GRM8: variants seen among roughly 807,000 people sequenced by gnomAD.
The protein encoded by GRM8 is glutamate metabotropic receptor 8.
Under a neutral mutation model 87.2 loss-of-function variants are expected in GRM8, and 47 were observed. The ratio of observed to expected loss-of-function variants is 0.54; its 90% CI spans 0.43 to 0.69. The LOEUF (loss-of-function observed/expected upper bound fraction) is 0.69, where lower values mean the gene tolerates loss of function less well. Among genes scored for constraint, GRM8 ranks in the 30% least tolerant of loss-of-function variants. The pLI is 0.00. For missense variants in GRM8, 1,019 were observed against 1,139.2 expected (o/e 0.89, Z 1.52); for synonymous variants, 396 against 404.5 (o/e 0.98, Z 0.25).
At chr7:127,014,892 A>G (rs1480203133) in intron 3 of GRM8, among the ~76,000 whole-genome samples, 3 of 149,846 alleles carry the variant, frequency 2.0e-5, no homozygotes, top group Non-Finnish European at 3.0e-5. Flanking sequence ...TACTTCAGGC[A>G]CATCCAACAT....
intron 2 of GRM8, among the ~76,000 whole-genome samples, chr7:127,133,333 G>T (rs1010035536): frequency 6.6e-6 from 1 of 152,000 alleles, no homozygotes; most frequent in Non-Finnish European, 1.5e-5. Context: ...CAGGAGAATC[G>T]CTTGAACCTG....
intron 7 of GRM8, among the ~76,000 whole-genome samples, chr7:126,630,056 T>C (rs1251097923): frequency 6.6e-6 from 1 of 152,070 alleles, no homozygotes; most frequent in Non-Finnish European, 1.5e-5. Flanking sequence ...TAGTTCATAT[T>C]CTCTGACCAT....
intron 9 of GRM8, among the ~76,000 whole-genome samples, chr7:126,510,632 G>T (rs1345879998): frequency 4.2e-4 from 3 of 7,212 alleles, no homozygotes; most frequent in Non-Finnish European, 8.9e-4. Context: ...GTGGAAGAGG[G>T]TTAGAATTTT....
chr7:127,149,700 G>C (rs141428423), intron 2 of GRM8, among the ~76,000 whole-genome samples: 8 of 152,040 alleles, frequency 5.3e-5, no homozygotes, highest in Non-Finnish European at 8.8e-5. Context: ...AGAAACCGTG[G>C]TACAAATATA....
intron 3 of GRM8, among the ~76,000 whole-genome samples, chr7:126,995,583 G>C (rs1813101729): frequency 6.6e-6 from 1 of 152,212 alleles, no homozygotes; most frequent in Admixed American, 6.5e-5. Context: ...GAATGTCTTA[G>C]AGTCTCTTAA....
chr7:126,923,289 C>G (rs896918893), intron 3 of GRM8, among the ~76,000 whole-genome samples: 2 of 152,026 alleles, frequency 1.3e-5, no homozygotes, highest in African/African-American at 4.8e-5. Flanking sequence ...TAATAAGAAC[C>G]ACATGAAAAT....
intron 3 of GRM8, among the ~76,000 whole-genome samples, chr7:127,018,047 C>T (rs1207063772): frequency 1.3e-5 from 2 of 152,042 alleles, no homozygotes; most frequent in Non-Finnish European, 1.5e-5. Flanking sequence ...TAAATATGGC[C>T]GCTGGCCTCA....
intron 6 of GRM8, among the ~76,000 whole-genome samples, chr7:126,817,130 C>A (rs1253808621): frequency 5.0e-4 from 76 of 151,908 alleles, no homozygotes; most frequent in Non-Finnish European, 1.5e-5. Flanking sequence ...ATTTATGGCT[C>A]CTTTTCTTCA....
chr7:126,815,551 G>T (rs1006917609), intron 6 of GRM8, among the ~76,000 whole-genome samples: 1 of 152,068 alleles, frequency 6.6e-6, no homozygotes, highest in African/African-American at 2.4e-5. Flanking sequence ...TAGCCATGGT[G>T]GAATCTGTGC....
intron 9 of GRM8, among the ~76,000 whole-genome samples, chr7:126,502,317 A>G (rs1584848212): frequency 6.6e-6 from 1 of 152,080 alleles, no homozygotes; most frequent in African/African-American, 2.4e-5. Flanking sequence ...ATGCAAGGGC[A>G]GCACAATCAA....
intron 3 of GRM8, among the ~76,000 whole-genome samples, chr7:127,008,588 A>G (rs1307548356): frequency 6.6e-6 from 1 of 152,126 alleles, no homozygotes; most frequent in Non-Finnish European, 1.5e-5. Context: ...GTTCAGACAA[A>G]CTATTAAAAG....
At chr7:126,886,585 T>G (rs965646959) in intron 6 of GRM8, among the ~76,000 whole-genome samples, 23 of 152,134 alleles carry the variant, frequency 1.5e-4, no homozygotes, top group African/African-American at 5.5e-4. Flanking sequence ...CTTCATTAAT[T>G]TCTGAACAGG....
intron 3 of GRM8, among the ~76,000 whole-genome samples, chr7:127,098,859 C>T (rs1824939841): frequency 6.6e-6 from 1 of 152,088 alleles, no homozygotes; most frequent in African/African-American, 2.4e-5. Flanking sequence ...ACTTGAAGGC[C>T]TGTCATCTTC....
chr7:126,603,390 A>C (rs907250867), intron 8 of GRM8, among the ~76,000 whole-genome samples: 1 of 150,556 alleles, frequency 6.6e-6, no homozygotes, highest in African/African-American at 2.4e-5. Context: ...GGCCAGGGCA[A>C]TTAGGCAGGA....
chr7:126,756,142 A>G (rs1816983270), intron 7 of GRM8, among the ~76,000 whole-genome samples: 1 of 151,916 alleles, frequency 6.6e-6, no homozygotes, highest in African/African-American at 2.4e-5. Flanking sequence ...TTCATCCTCA[A>G]ATCTCTAAGT....
chr7:126,457,847 TA>T (rs113687769), intron 9 of GRM8, among the ~76,000 whole-genome samples: 5,599 of 140,764 alleles, frequency 0.04, 190 homozygotes, highest in African/African-American at 0.092. Context: ...TCAACAAAGC[TA>T]AAAAAAAAAA....
At chr7:126,926,456 C>T (rs1805132375) in intron 3 of GRM8, among the ~76,000 whole-genome samples, 1 of 152,256 alleles carries the variant, frequency 6.6e-6, no homozygotes, top group Non-Finnish European at 1.5e-5. Flanking sequence ...CTGCCATGGC[C>T]TTAGTTCAAG....
At chr7:126,856,215 C>T (rs1246115650) in intron 6 of GRM8, among the ~76,000 whole-genome samples, 1 of 151,980 alleles carries the variant, frequency 6.6e-6, no homozygotes, top group African/African-American at 2.4e-5. Context: ...CAAGTAATTA[C>T]TTGAAGAAAT....
chr7:127,002,549 T>C (rs929174), intron 3 of GRM8, among the ~76,000 whole-genome samples: 14,786 of 151,704 alleles, frequency 0.097, 823 homozygotes, highest in East Asian at 0.21. Context: ...AGACAGAATT[T>C]AGGAAACCTC....
Sources: gnomAD v4.1 joint callset for allele counts (sites outside exome capture counted in the v4.1 genomes callset) on GRCh38, gnomAD v4.1.1 for gene constraint, MANE v1.5 for transcripts, NCBI Gene and HGNC (gene_info 2026-07-23, HGNC 2026-07-21) for gene names.